DCUN1D3: variants seen among roughly 807,000 people sequenced by gnomAD.
DCUN1D3 encodes the protein DCN1-like protein 3.
DCUN1D3 carries 6 observed loss-of-function variants against 24.8 expected under a neutral mutation model. The ratio of observed to expected loss-of-function variants is 0.24; its 90% CI spans 0.13 to 0.48. DCUN1D3 has a LOEUF of 0.48. Among genes scored for constraint, DCUN1D3 ranks in the 20% least tolerant of loss-of-function variants. The pLI, the probability that DCUN1D3 is intolerant of heterozygous loss-of-function variation, is 0.99. For missense variants in DCUN1D3, 258 were observed against 379.4 expected, an observed-to-expected ratio of 0.68 and a Z score of 2.66; for synonymous variants, 120 against 144.9, an observed-to-expected ratio of 0.83 and a Z score of 1.24.
chr16:20,856,626 C>T lies in DCUN1D3; in HGVS notation c.*3260G>A, dbSNP rs2081703987. ...CAGACATGGTTTCCTGGACCCAACT[C>T]ACACAGGTGGGCAGCACTTCAGCTG... is the stretch of plus-strand genomic sequence containing the variant. On this transcript the variant is annotated 3_prime_UTR_variant, in exon 3 of 3. Transcript: ENST00000324344. 1 of 152,182 alleles carries T rather than the reference C, an allele frequency of 6.6e-6. No homozygotes were observed. The highest frequency in any genetic ancestry group is 2.4e-5 in the African/African-American group (1 of 41,440). 9.4% of individuals were successfully genotyped at this position (152,182 alleles called of 1,614,324 possible). A position where few individuals can be genotyped will look rare whatever the true frequency, so the allele number is the denominator to read the frequency against.
chr16:20,863,595 A>G (rs1374138321), intron 1 of DCUN1D3, among the ~76,000 whole-genome samples: 2 of 152,152 alleles, frequency 1.3e-5, no homozygotes, highest in Non-Finnish European at 2.9e-5. Context: ...AATAGAAAAA[A>G]ATTAGTTGGG....
intron 1 of DCUN1D3, 32 bp from the exon 2 acceptor site, chr16:20,862,675 G>T: frequency 6.7e-7 from 1 of 1,503,288 alleles, no homozygotes; most frequent in Non-Finnish European, 8.8e-7. Flanking sequence ...ATCACCTCTG[G>T]GTGGGGGAAA....
In DCUN1D3 at chr16:20,855,111, T is replaced by G. The variant is rs2081696241; in HGVS notation, c.*4775A>C. 1 of 152,450 alleles carries G rather than the reference T, an allele frequency of 6.6e-6. No individual in the cohort carries two copies. 9.4% of individuals were successfully genotyped at this position (152,450 alleles called of 1,614,324 possible). A position where few individuals can be genotyped will look rare whatever the true frequency, so the allele number is the denominator to read the frequency against. ...AAAGTATTAACTTTTGTCAAGTTTG[T>G]ACAACCTCAACAAACAGACACACTG... On this transcript the variant is annotated 3_prime_UTR_variant, in exon 3 of 3. Coordinates refer to ENST00000324344, the MANE Select transcript of DCUN1D3 (RefSeq NM_173475.4).
intron 1 of DCUN1D3, among the ~76,000 whole-genome samples, chr16:20,876,448 CAG>C (rs1352418562): frequency 1.6e-5 from 2 of 128,668 alleles, no homozygotes; most frequent in Non-Finnish European, 3.4e-5. Flanking sequence ...AAAAAAAAAA[CAG>C]AATAATGAAT....
At chr16:20,864,587 T>G (rs2081751227) in intron 1 of DCUN1D3, among the ~76,000 whole-genome samples, 1 of 152,126 alleles carries the variant, frequency 6.6e-6, no homozygotes, top group Non-Finnish European at 1.5e-5. Flanking sequence ...GTATGGTGAT[T>G]CCTCAAAGAG....
chr16:20,869,555 T>C (rs993221932), intron 1 of DCUN1D3, among the ~76,000 whole-genome samples: 6 of 152,144 alleles, frequency 3.9e-5, no homozygotes, highest in African/African-American at 1.4e-4. Context: ...AGACTTTCCA[T>C]GGGCAAGTTT....
intron 1 of DCUN1D3, among the ~76,000 whole-genome samples, chr16:20,891,273 T>G (rs2081891237): frequency 6.6e-6 from 1 of 152,164 alleles, no homozygotes; most frequent in Non-Finnish European, 1.5e-5. Context: ...ATTACCGGCG[T>G]GAGCCACCAT....
rs1042936966 is a variant in DCUN1D3, at chr16:20,857,770, A to T, written c.*2116T>A. ...TTCTAGCAGTACTATACCGTGGGTG[A>T]TCTTAAAGTTTCCCATTTGCCCCTC... On this transcript the variant is annotated 3_prime_UTR_variant, in exon 3 of 3. Transcript: ENST00000324344. The T allele has an allele frequency of 1.1e-4, 17 of 152,262 alleles. No homozygotes were observed. The highest frequency in any genetic ancestry group is 3.4e-3 in the Middle Eastern group (1 of 294). 9.4% of individuals were successfully genotyped at this position (152,262 alleles called of 1,614,324 possible). A position where few individuals can be genotyped will look rare whatever the true frequency, so the allele number is the denominator to read the frequency against.
In DCUN1D3 at chr16:20,865,208, A is replaced by T. The variant is rs544038696; in HGVS notation, c.-105-2565T>A. Among the ~76,000 whole-genome samples the T allele has an allele frequency of 2.1e-4, 32 of 152,162 alleles. No homozygotes were observed. The South Asian group carries it at 6.6e-3, about 32-fold the overall frequency. On this transcript the variant is annotated intron_variant, in intron 1 of 2. Coordinates refer to ENST00000324344, the MANE Select transcript of DCUN1D3 (RefSeq NM_173475.4). ...AAATGCTCAGGATATTCAGAAAAAA[A>T]GAAAAAACTGAAAAAAGTGGGAAAA...
chr16:20,894,430 T>C lies in DCUN1D3; in HGVS notation c.-106+5774A>G, dbSNP rs145199451. Among the ~76,000 whole-genome samples the C allele has an allele frequency of 1.5e-3, 230 of 152,306 alleles. 1 individual carries two copies. The highest frequency in any genetic ancestry group is 5.3e-3 in the African/African-American group (222 of 41,568). On this transcript the variant is annotated intron_variant, in intron 1 of 2. Transcript: ENST00000324344. ...ACTATACACTGCTGCTATCTGAGATTCTTAGTCAGTCATCAGACCTGGTAT... is the reference window on the plus strand; with the variant it reads ...ACTATACACTGCTGCTATCTGAGATCCTTAGTCAGTCATCAGACCTGGTAT...
chr16:20,872,665 T>G (rs1202905566), intron 1 of DCUN1D3, among the ~76,000 whole-genome samples: 1 of 151,948 alleles, frequency 6.6e-6, no homozygotes, highest in African/African-American at 2.4e-5. Flanking sequence ...AGACTCTCTT[T>G]CCTGCTGGCA....
intron 1 of DCUN1D3, among the ~76,000 whole-genome samples, chr16:20,880,607 A>C (rs2081838371): frequency 7.9e-6 from 1 of 126,580 alleles, no homozygotes; most frequent in Admixed American, 7.6e-5. Flanking sequence ...CCTGTCTCAA[A>C]AAAAAAAAAA....
At chr16:20,890,386 G>A (rs1280312571) in intron 1 of DCUN1D3, among the ~76,000 whole-genome samples, 1 of 152,144 alleles carries the variant, frequency 6.6e-6, no homozygotes, top group Non-Finnish European at 1.5e-5. Context: ...CCAGCACTTT[G>A]AGAGGCCAAG....
At chr16:20,882,999 A>G (rs951576378) in intron 1 of DCUN1D3, among the ~76,000 whole-genome samples, 3 of 102,926 alleles carry the variant, frequency 2.9e-5, no homozygotes, top group African/African-American at 1.3e-4. Flanking sequence ...CTTATCCCAA[A>G]TGCTTGAGAC....
At chr16:20,892,594 A>C (rs975050707) in intron 1 of DCUN1D3, among the ~76,000 whole-genome samples, 1 of 152,226 alleles carries the variant, frequency 6.6e-6, no homozygotes, top group Non-Finnish European at 1.5e-5. Context: ...AGCTGTTCAG[A>C]AGCTGTTCTG....
At chr16:20,863,303 A>G (rs757516730) in intron 1 of DCUN1D3, among the ~76,000 whole-genome samples, 1 of 152,104 alleles carries the variant, frequency 6.6e-6, no homozygotes, top group Non-Finnish European at 1.5e-5. Flanking sequence ...TATACTCCAA[A>G]CCAAGTTTCC....
At chr16:20,866,582 A>G (rs147110396) in intron 1 of DCUN1D3, among the ~76,000 whole-genome samples, 22 of 152,358 alleles carry the variant, frequency 1.4e-4, no homozygotes, top group Admixed American at 4.6e-4. Flanking sequence ...CCTCCATGTA[A>G]GAGTATCTTT....
intron 1 of DCUN1D3, among the ~76,000 whole-genome samples, chr16:20,863,316 A>G (rs1053420634): frequency 2.6e-5 from 4 of 152,152 alleles, no homozygotes; most frequent in South Asian, 2.1e-4. Flanking sequence ...AAGTTTCCCA[A>G]CTGAGGAGCT....
intron 1 of DCUN1D3, among the ~76,000 whole-genome samples, chr16:20,876,965 G>A (rs895350591): frequency 5.9e-5 from 9 of 152,132 alleles, no homozygotes; most frequent in African/African-American, 9.7e-5. Flanking sequence ...GGGAGCGGGA[G>A]GGGAGATGAA....
Sources: gnomAD v4.1 joint callset for allele counts (sites outside exome capture counted in the v4.1 genomes callset) on GRCh38, gnomAD v4.1.1 for gene constraint, MANE v1.5 for transcripts, NCBI Gene and HGNC (gene_info 2026-07-23, HGNC 2026-07-21) for gene names.